The following PLCL1 variants were observed in gnomAD, a reference collection of about 807,000 sequenced individuals.
The protein encoded by PLCL1 is inactive phospholipase C-like protein 1.
PLCL1 carries 41 observed loss-of-function variants against 84.4 expected under a neutral mutation model. The ratio of observed to expected loss-of-function variants is 0.49; its 90% CI spans 0.38 to 0.63. The LOEUF is 0.63. PLCL1 is among the 30% of genes least tolerant of loss of function. The probability of loss-of-function intolerance (pLI) is 0.00; values close to 1 mark genes in which losing one functional copy is unlikely to be tolerated. For synonymous variants in PLCL1, 490 were observed against 488.3 expected, an observed-to-expected ratio of 1.00 and a Z score of -0.05; for missense variants, 1,206 against 1,367.8, an observed-to-expected ratio of 0.88 and a Z score of 1.87.
At chr2:197,985,017 AT>A (rs1281358050) in intron 1 of PLCL1, among the ~76,000 whole-genome samples, 1 of 151,552 alleles carries the variant, frequency 6.6e-6, no homozygotes, top group Admixed American at 6.6e-5. Context: ...CATTATGTAC[AT>A]TTTTTAATGC....
intron 1 of PLCL1, among the ~76,000 whole-genome samples, chr2:198,023,794 T>C (rs1469580823): frequency 6.6e-6 from 1 of 152,194 alleles, no homozygotes; most frequent in Non-Finnish European, 1.5e-5. Context: ...TTTACCCTGT[T>C]GGTGGGAGTG....
intron 1 of PLCL1, among the ~76,000 whole-genome samples, chr2:197,950,066 T>C (rs988674435): frequency 4.6e-5 from 7 of 152,232 alleles, no homozygotes; most frequent in African/African-American, 1.7e-4. Flanking sequence ...CAAATCCAGG[T>C]CACATTTGCA....
intron 1 of PLCL1, among the ~76,000 whole-genome samples, chr2:198,009,270 C>T (rs1190932878): frequency 6.6e-6 from 1 of 151,906 alleles, no homozygotes; most frequent in African/African-American, 2.4e-5. Context: ...ATTCAAAGTC[C>T]TGAGGCTTTA....
At chr2:198,088,482 G>A (rs767224744) in intron 2 of PLCL1, among the ~76,000 whole-genome samples, 10 of 152,226 alleles carry the variant, frequency 6.6e-5, no homozygotes, top group South Asian at 4.1e-4. Flanking sequence ...CAGATGGAGG[G>A]TGGTGAGCAG....
intron 1 of PLCL1, among the ~76,000 whole-genome samples, chr2:197,986,986 A>G (rs931406073): frequency 6.6e-6 from 1 of 152,232 alleles, no homozygotes; most frequent in Non-Finnish European, 1.5e-5. Context: ...ACAACTCTAA[A>G]GGGTGAAGGA....
rs1553520844 is a variant in PLCL1, at chr2:198,147,203, A to AGTTT, written c.*243_*244insTTGT. 1.1e-5 allele frequency: 2 copies of AGTTT among 185,462 alleles called. No homozygotes were observed. The highest frequency in any genetic ancestry group is 4.9e-5 in the African/African-American group (2 of 41,228). The allele number at this position is 185,462 out of a possible 1,614,324, so 11.5% of individuals were successfully genotyped here. On this transcript the variant is annotated 3_prime_UTR_variant, in exon 6 of 6. Coordinates refer to ENST00000428675, the MANE Select transcript of PLCL1 (RefSeq NM_006226.4). Reference sequence around the variant, plus strand: ...ACCCCTGTGTGGATGCCTGTGGAAGAGTGTGTGTGTGTGTGTGTGTGTGTG... The same window carrying AGTTT: ...ACCCCTGTGTGGATGCCTGTGGAAGAGTTTGTGTGTGTGTGTGTGTGTGTGTGTG...
intron 5 of PLCL1, among the ~76,000 whole-genome samples, chr2:198,125,171 A>G (rs1048361412): frequency 6.6e-6 from 1 of 152,158 alleles, no homozygotes; most frequent in Non-Finnish European, 1.5e-5. Context: ...ATATATTTAT[A>G]TCTACCAAAA....
intron 5 of PLCL1, among the ~76,000 whole-genome samples, chr2:198,119,207 A>G (rs891486136): frequency 6.8e-6 from 1 of 147,454 alleles, no homozygotes. Flanking sequence ...CAAATCTAAT[A>G]CATCCTTCTT....
chr2:198,012,084 A>T (rs972546734), intron 1 of PLCL1, among the ~76,000 whole-genome samples: 1 of 152,114 alleles, frequency 6.6e-6, no homozygotes, highest in Non-Finnish European at 1.5e-5. Context: ...TAAGTGAAGC[A>T]ACTTTATAGG....
chr2:198,133,753 T>G (rs1694185739), intron 5 of PLCL1, among the ~76,000 whole-genome samples: 1 of 152,164 alleles, frequency 6.6e-6, no homozygotes, highest in African/African-American at 2.4e-5. Context: ...CAATACACTC[T>G]CCCTCACTCA....
At chr2:198,107,345 G>C (rs1693500709) in intron 5 of PLCL1, among the ~76,000 whole-genome samples, 1 of 151,818 alleles carries the variant, frequency 6.6e-6, no homozygotes, top group Non-Finnish European at 1.5e-5. Context: ...TGACATTTGG[G>C]TCCAAACCAT....
chr2:197,937,095 T>C (rs1385041260), intron 1 of PLCL1, among the ~76,000 whole-genome samples: 2 of 152,214 alleles, frequency 1.3e-5, no homozygotes, highest in Non-Finnish European at 2.9e-5. Context: ...TGACCATAAA[T>C]GCATAAATTT....
intron 1 of PLCL1, among the ~76,000 whole-genome samples, chr2:197,922,942 C>T (rs1307207856): frequency 4.7e-5 from 6 of 127,398 alleles, no homozygotes; most frequent in South Asian, 5.2e-4. Context: ...GGCGGCTGGC[C>T]GGGCGGGGGG....
chr2:197,956,796 G>T (rs574370162), intron 1 of PLCL1, among the ~76,000 whole-genome samples: 23 of 151,672 alleles, frequency 1.5e-4, no homozygotes, highest in African/African-American at 5.6e-4. Flanking sequence ...AATTTGTTTA[G>T]TTCCTTGTAA....
At chr2:197,818,424 G>A (rs190255766) in intron 1 of PLCL1, among the ~76,000 whole-genome samples, 19 of 152,158 alleles carry the variant, frequency 1.2e-4, no homozygotes, top group Admixed American at 2.6e-4. Flanking sequence ...AGGTTGGGGC[G>A]GGGGGTGTTT....
chr2:198,033,319 C>T (rs185825477), intron 1 of PLCL1, among the ~76,000 whole-genome samples: 1 of 152,126 alleles, frequency 6.6e-6, no homozygotes, highest in Admixed American at 6.6e-5. Flanking sequence ...TCTCACAAAG[C>T]CTTTCATCCC....
At chr2:198,120,944 G>A (rs1011588504) in intron 5 of PLCL1, among the ~76,000 whole-genome samples, 1 of 152,074 alleles carries the variant, frequency 6.6e-6, no homozygotes, top group African/African-American at 2.4e-5. Flanking sequence ...AACAGTGTAT[G>A]AGGGTTCCCT....
At chr2:198,081,393 T>C (rs1692710969) in intron 1 of PLCL1, among the ~76,000 whole-genome samples, 2 of 152,240 alleles carry the variant, frequency 1.3e-5, no homozygotes, top group Non-Finnish European at 2.9e-5. Context: ...GTCTCAGCAA[T>C]GCCATTAGGT....
chr2:198,132,877 G>A (rs1300382058), intron 5 of PLCL1, among the ~76,000 whole-genome samples: 8 of 151,664 alleles, frequency 5.3e-5, no homozygotes, highest in Non-Finnish European at 1.2e-4. Flanking sequence ...CATTGCTTTT[G>A]GTGTTTTGGA....
Sources: gnomAD v4.1 joint callset for allele counts (sites outside exome capture counted in the v4.1 genomes callset) on GRCh38, gnomAD v4.1.1 for gene constraint, MANE v1.5 for transcripts, NCBI Gene and HGNC (gene_info 2026-07-23, HGNC 2026-07-21) for gene names.